APC: variants seen among roughly 807,000 people sequenced by gnomAD.
APC encodes the protein adenomatous polyposis coli protein.
APC carries 72 observed loss-of-function variants against 247.0 expected under a neutral mutation model. That is an observed-to-expected ratio of 0.29 (90% confidence interval 0.24 to 0.35). The LOEUF (loss-of-function observed/expected upper bound fraction) is 0.35, where lower values mean the gene tolerates loss of function less well. Ranked by LOEUF, APC falls within the 10% of genes least tolerant of loss-of-function variation. APC has a pLI of 1.00. For synonymous variants in APC, 1,254 were observed against 1,162.5 expected (o/e 1.08, Z -1.60); for missense variants, 3,400 against 3,360.7 (o/e 1.01, Z -0.29).
At chr5:112,708,509 G>A (rs920763954) in intron 1 of APC, among the ~76,000 whole-genome samples, 1 of 152,132 alleles carries the variant, frequency 6.6e-6, no homozygotes, top group African/African-American at 2.4e-5. Context: ...TGTTGAGGTG[G>A]GGGCGTGAGC....
At chr5:112,723,435 C>T (rs1395555004) in intron 1 of APC, among the ~76,000 whole-genome samples, 2 of 151,830 alleles carry the variant, frequency 1.3e-5, no homozygotes, top group Non-Finnish European at 2.9e-5. Context: ...GCACTCCAGC[C>T]TGGGGTGACA....
At chr5:112,805,171 C>T (rs566450612) in intron 8 of APC, among the ~76,000 whole-genome samples, 10 of 151,822 alleles carry the variant, frequency 6.6e-5, no homozygotes, top group African/African-American at 2.2e-4. Flanking sequence ...TTTTGTGTGT[C>T]GTTTTATTTT....
rs1765899368 is a variant in APC, at chr5:112,840,855, C to G, written c.5261C>G (p.Ser1754Cys). The change falls in exon 16 of 16, where the codon TCT becomes TGT. Residue 1754 changes from serine to cysteine, a missense_variant. Around this residue, in one of 9 missense-constraint regions of APC, gnomAD observed 1,788 missense variants for 1,649.5 expected, o/e 1.08. Coordinates refer to ENST00000257430, the MANE Select transcript of APC (RefSeq NM_000038.6). This position sits in a 1 kb window ranked among gnomAD's most constrained non-coding sequence, Gnocchi z 4.1. ...ATAATGGACCAGGTCCAGCAAGCAT[C>G]TGCGTCTTCTTCTGCACCCAACAAA... ...KKIMDQVQQA[S>C]ASSSAPNKNQ... 1 of 1,613,996 alleles carries G rather than the reference C, an allele frequency of 6.2e-7. No homozygotes were observed. The highest frequency in any genetic ancestry group is 8.5e-7 in the Non-Finnish European group (1 of 1,179,994).
At chr5:112,833,135 TC>T (rs1459567466) in intron 14 of APC, among the ~76,000 whole-genome samples, 18 of 152,066 alleles carry the variant, frequency 1.2e-4, no homozygotes, top group African/African-American at 4.1e-4. Context: ...CGCCTCAGCT[TC>T]TCAAGTAGCT....
At position 112,707,786 on chromosome 5, in the gene APC, G is replaced by T. The variant is rs1178169197; in HGVS notation, c.69G>T (p.Gly23=). The change falls in exon 1 of 14, where the codon GGG becomes GGT. Residue 23 remains glycine (G), a synonymous_variant. Coordinates refer to the APC transcript ENST00000507379. ...CTTCTGTACCACCCTCAGTTCTCGGGTCCTGGAGCACCGGCGGCAGCAGGA... is the reference window on the plus strand; with the variant it reads ...CTTCTGTACCACCCTCAGTTCTCGGTTCCTGGAGCACCGGCGGCAGCAGGA... The T allele has an allele frequency of 1.5e-6, 2 of 1,370,676 alleles. No homozygotes were observed. The highest frequency in any genetic ancestry group is 1.2e-5 in the South Asian group (1 of 81,732). 84.9% of individuals were successfully genotyped at this position (1,370,676 alleles called of 1,614,324 possible). A position where few individuals can be genotyped will look rare whatever the true frequency, so the allele number is the denominator to read the frequency against.
intron 10 of APC, among the ~76,000 whole-genome samples, chr5:112,821,176 C>G (rs909007951): frequency 6.6e-6 from 1 of 151,792 alleles, no homozygotes; most frequent in Non-Finnish European, 1.5e-5. Context: ...GCACCATGTG[C>G]TTTTAACCCA....
intron 5 of APC, chr5:112,778,205 TGAG>T (rs990040675): frequency 5.2e-6 from 1 of 190,518 alleles, no homozygotes; most frequent in Non-Finnish European, 1.1e-5. Context: ...ATTGCAGACT[TGAG>T]GAGCTGATAT....
At chr5:112,757,613 C>A (rs1178390031) in intron 2 of APC, among the ~76,000 whole-genome samples, 2 of 152,054 alleles carry the variant, frequency 1.3e-5, no homozygotes, top group Admixed American at 6.6e-5. Context: ...TATCTGTGGT[C>A]CCAGCTACTT....
intron 7 of APC, among the ~76,000 whole-genome samples, chr5:112,796,307 G>A (rs1760207381): frequency 1.3e-5 from 2 of 152,162 alleles, no homozygotes; most frequent in South Asian, 2.1e-4. Flanking sequence ...GGAGATCGGA[G>A]GGGGTGAGTA....
At chr5:112,828,777 C>A in intron 13 of APC, 79 bp from the exon 14 acceptor site, 1 of 983,636 alleles carries the variant, frequency 1.0e-6, no homozygotes. Flanking sequence ...GATTTCTATT[C>A]TTACTGCTAG....
intron 2 of APC, among the ~76,000 whole-genome samples, chr5:112,757,285 T>G (rs2149747607): frequency 6.6e-6 from 1 of 152,324 alleles, no homozygotes; most frequent in Non-Finnish European, 1.5e-5. Context: ...AATATTGTTT[T>G]GTGTAGACAC....
At chr5:112,814,174 C>T (rs568863464) in intron 8 of APC, among the ~76,000 whole-genome samples, 4 of 152,300 alleles carry the variant, frequency 2.6e-5, no homozygotes, top group African/African-American at 7.2e-5. Flanking sequence ...AAAAGAATGC[C>T]TGCAAATATT....
chr5:112,819,308 G>T lies in APC; in HGVS notation c.1276G>T (p.Ala426Ser), dbSNP rs200598389. ...YCETCWEWQE[A>S]HEPGMDQDKN... ...TGAAACCTGTTGGGAGTGGCAGGAAGCTCATGAACCAGGCATGGACCAGGA... is the reference window on the plus strand; with the variant it reads ...TGAAACCTGTTGGGAGTGGCAGGAATCTCATGAACCAGGCATGGACCAGGA... The change falls in exon 10 of 16, where the codon GCT (alanine) becomes TCT (serine). Residue 426 changes from alanine (A) to serine (S), a missense_variant. Ala to Ser is a moderately conservative substitution (Grantham distance 99, BLOSUM62 1). This residue lies in a region of APC where 199 missense variants were observed against 212.5 expected (regional missense o/e 0.94). Transcript: ENST00000257430. 59 of 1,614,012 alleles carry T rather than the reference G, an allele frequency of 3.7e-5. No individual in the cohort carries two copies. The East Asian group carries it at 1.0e-3, about 27-fold the overall frequency.
chr5:112,780,842 A>T lies in APC; in HGVS notation c.584A>T (p.Gln195Leu), dbSNP rs755187604. ...AGGCAATTGGAATATGAAGCAAGGC[A>T]AATCAGAGTTGCGATGGAAGAACAA... is the stretch of plus-strand genomic sequence containing the variant. ...TRRQLEYEAR[Q>L]IRVAMEEQLG... is the part of the protein sequence containing the mutation. Residue 195 changes from glutamine to leucine, a missense_variant, in exon 6 of 16, where the codon CAA becomes CTA. Physicochemically the swap from Gln to Leu is moderately radical, Grantham distance 113 (BLOSUM62 -2). Transcript: ENST00000257430. 1 of 1,613,640 alleles carries T rather than the reference A, an allele frequency of 6.2e-7. No homozygotes were observed. Among genetic ancestry groups the T allele is most frequent in the South Asian group, 1.1e-5 (1 of 91,058 alleles).
rs200135470 is a variant in APC at position 112,818,827 on chromosome 5, GT to G, written c.934-133del. The G allele has an allele frequency of 9.2e-6, 8 of 868,610 alleles. No individual in the cohort carries two copies. In the East Asian group the frequency reaches 2.1e-4, roughly 22 times the overall value. 53.8% of individuals were successfully genotyped at this position (868,610 alleles called of 1,614,324 possible). On this transcript the variant is annotated intron_variant, in intron 9 of 15. Coordinates refer to ENST00000257430, the MANE Select transcript of APC (RefSeq NM_000038.6). ...TACTTCATCCTGGAAAGGTTTTCCG[GT>G]TTTTTGTTTTTTTTTTGGCGGGGGG...
intron 7 of APC, among the ~76,000 whole-genome samples, chr5:112,800,172 G>C (rs1489443149): frequency 6.6e-6 from 1 of 152,128 alleles, no homozygotes; most frequent in African/African-American, 2.4e-5. Flanking sequence ...AACTAACATA[G>C]TAGATGGTCA....
chr5:112,786,573 G>T (rs1758974199), intron 6 of APC, among the ~76,000 whole-genome samples: 1 of 152,180 alleles, frequency 6.6e-6, no homozygotes, highest in Non-Finnish European at 1.5e-5. Context: ...TGGGGTGAAG[G>T]TGTAAGTACA....
At chr5:112,774,233 A>T (rs991080584) in intron 4 of APC, among the ~76,000 whole-genome samples, 2 of 152,196 alleles carry the variant, frequency 1.3e-5, no homozygotes, top group African/African-American at 4.8e-5. Flanking sequence ...AACAAAAAAA[A>T]TACCTAGTAT....
At chr5:112,722,156 G>A (rs1751516137) in intron 1 of APC, among the ~76,000 whole-genome samples, 1 of 152,142 alleles carries the variant, frequency 6.6e-6, no homozygotes, top group Non-Finnish European at 1.5e-5. Flanking sequence ...GAAGTTACAG[G>A]GGAGTTCGTT....
Sources: allele counts gnomAD v4.1 joint callset (sites outside exome capture counted in the v4.1 genomes callset), GRCh38; gene constraint gnomAD v4.1.1; regional missense constraint gnomAD v4.1.1; non-coding constraint Gnocchi (gnomAD v3.1); transcripts MANE v1.5; gene names NCBI Gene and HGNC (gene_info 2026-07-23, HGNC 2026-07-21).